Variants in NOS1AP observed in about 807,000 individuals in gnomAD.
NOS1AP encodes the protein carboxyl-terminal PDZ ligand of neuronal nitric oxide synthase protein.
NOS1AP carries 21 observed loss-of-function variants against 56.2 expected under a neutral mutation model. The observed-to-expected ratio is 0.37, with a 90% CI of 0.26 to 0.54. The LOEUF (loss-of-function observed/expected upper bound fraction) is 0.54, where lower values mean the gene tolerates loss of function less well. Among genes scored for constraint, NOS1AP ranks in the 20% least tolerant of loss-of-function variants. NOS1AP has a pLI of 0.84. For missense variants in NOS1AP, 522 were observed against 657.8 expected, an observed-to-expected ratio of 0.79 and a Z score of 2.26; for synonymous variants, 270 against 274.6, an observed-to-expected ratio of 0.98 and a Z score of 0.17.
rs932484535 is a variant in NOS1AP, at chr1:162,320,723, G to A, written c.345-12294G>A. ...AGAAAAATTAGCTGAGCGTGGTGGCGCGCGCCTGTAGTCCCAGCTACTCGG... is the reference window on the plus strand; with the variant it reads ...AGAAAAATTAGCTGAGCGTGGTGGCACGCGCCTGTAGTCCCAGCTACTCGG... On this transcript the variant is annotated intron_variant, in intron 4 of 9. Coordinates refer to ENST00000361897, the MANE Select transcript of NOS1AP (RefSeq NM_014697.3). Among the ~76,000 whole-genome samples, 17 of 152,176 alleles carry A rather than the reference G, an allele frequency of 1.1e-4. 1 individual carries two copies. The highest frequency in any genetic ancestry group is 2.4e-4 in the Non-Finnish European group (16 of 67,986).
At chr1:162,097,226 A>G (rs1396828435) in intron 1 of NOS1AP, among the ~76,000 whole-genome samples, 2 of 151,338 alleles carry the variant, frequency 1.3e-5, no homozygotes, top group Non-Finnish European at 2.9e-5. Flanking sequence ...TTGCCTCTTC[A>G]TATCTCTTGC....
At chr1:162,191,291 T>A (rs1054780803) in intron 2 of NOS1AP, among the ~76,000 whole-genome samples, 17 of 152,200 alleles carry the variant, frequency 1.1e-4, no homozygotes, top group African/African-American at 4.1e-4. Flanking sequence ...AGGATCTTCC[T>A]GCCCTGGCCC....
At chr1:162,324,309 A>G (rs1656511995) in intron 4 of NOS1AP, among the ~76,000 whole-genome samples, 1 of 152,082 alleles carries the variant, frequency 6.6e-6, no homozygotes, top group Admixed American at 6.5e-5. Flanking sequence ...TTGACAGCCA[A>G]TAGCAGGTGA....
intron 2 of NOS1AP, among the ~76,000 whole-genome samples, chr1:162,284,596 T>TA (rs1157090248): frequency 2.4e-5 from 2 of 85,034 alleles, no homozygotes; most frequent in African/African-American, 7.3e-5. Flanking sequence ...GCAGTGACTG[T>TA]GCCCACAGAC....
At chr1:162,144,729 C>G (rs1030622448) in intron 1 of NOS1AP, among the ~76,000 whole-genome samples, 5 of 152,210 alleles carry the variant, frequency 3.3e-5, no homozygotes, top group Non-Finnish European at 7.3e-5. Flanking sequence ...AATCACCAAG[C>G]TGAAGCTTTT....
At chr1:162,170,409 G>A (rs879381972) in intron 2 of NOS1AP, among the ~76,000 whole-genome samples, 2 of 152,226 alleles carry the variant, frequency 1.3e-5, no homozygotes, top group African/African-American at 4.8e-5. Context: ...AAGCAGCAGA[G>A]CTGGGGGTCC....
chr1:162,095,335 G>T (rs1255367805), intron 1 of NOS1AP, among the ~76,000 whole-genome samples: 2 of 152,112 alleles, frequency 1.3e-5, no homozygotes, highest in Non-Finnish European at 2.9e-5. Flanking sequence ...TGCCCTGTGA[G>T]GATATAGCAG....
At position 162,150,226 on chromosome 1, in the gene NOS1AP, CAT is replaced by C. The variant is rs529376838; in HGVS notation, c.106-4178_106-4177del. Among the ~76,000 whole-genome samples, 593 of 152,266 alleles carry C rather than the reference CAT, an allele frequency of 3.9e-3. 1 individual carries two copies. The highest frequency in any genetic ancestry group is 0.014 in the African/African-American group (571 of 41,560). ...TTTAGCTCCCACAAATAAGTGAAAA[CAT>C]GTGAAGTTTGTCTTTCTGTGCCTGG... is the stretch of plus-strand genomic sequence containing the variant. On this transcript the variant is annotated intron_variant, in intron 1 of 9. Transcript: ENST00000361897.
chr1:162,281,022 G>T lies in NOS1AP; in HGVS notation c.178-6322G>T, dbSNP rs145066321. Among the ~76,000 whole-genome samples the T allele has an allele frequency of 1.5e-3, 229 of 152,304 alleles. 1 individual carries two copies. Among genetic ancestry groups the T allele is most frequent in the African/African-American group, 5.1e-3 (214 of 41,562 alleles). ...AAGAGCCAGAAGTTAAGGAAGCTGGGTAGCCCACAGAACAGAAATTCATCT... is the reference window on the plus strand; with the variant it reads ...AAGAGCCAGAAGTTAAGGAAGCTGGTTAGCCCACAGAACAGAAATTCATCT... On this transcript the variant is annotated intron_variant, in intron 2 of 9. Coordinates refer to ENST00000361897, the MANE Select transcript of NOS1AP (RefSeq NM_014697.3).
intron 1 of NOS1AP, among the ~76,000 whole-genome samples, chr1:162,122,444 G>A (rs1194236935): frequency 2.6e-5 from 4 of 151,526 alleles, no homozygotes; most frequent in African/African-American, 9.7e-5. Flanking sequence ...TATATCATAA[G>A]AACTTTTTAT....
intron 2 of NOS1AP, among the ~76,000 whole-genome samples, chr1:162,165,607 T>C (rs1650455787): frequency 6.6e-6 from 1 of 152,110 alleles, no homozygotes; most frequent in African/African-American, 2.4e-5. Context: ...TTGAACGTGG[T>C]ATGGTTGTGG....
chr1:162,244,527 G>T (rs528147035), intron 2 of NOS1AP, among the ~76,000 whole-genome samples: 3 of 152,258 alleles, frequency 2.0e-5, no homozygotes, highest in South Asian at 2.1e-4. Context: ...GAGATTAAGT[G>T]TTTTCCTGAG....
chr1:162,237,519 C>T (rs1414858373), intron 2 of NOS1AP, among the ~76,000 whole-genome samples: 1 of 152,184 alleles, frequency 6.6e-6, no homozygotes, highest in African/African-American at 2.4e-5. Flanking sequence ...CTTTTCAGCT[C>T]AGTGCCTGGT....
chr1:162,161,798 A>G (rs1650235946), intron 2 of NOS1AP, among the ~76,000 whole-genome samples: 1 of 152,146 alleles, frequency 6.6e-6, no homozygotes, highest in South Asian at 2.1e-4. Flanking sequence ...CAGGCTAGTT[A>G]TTCCTTTCTA....
intron 2 of NOS1AP, among the ~76,000 whole-genome samples, chr1:162,238,436 C>T (rs979790590): frequency 1.3e-5 from 2 of 152,094 alleles, no homozygotes; most frequent in Non-Finnish European, 2.9e-5. Flanking sequence ...TGCTAGTCTC[C>T]ATTCCTTCTG....
intron 2 of NOS1AP, among the ~76,000 whole-genome samples, chr1:162,282,716 G>A (rs1277275571): frequency 6.6e-6 from 1 of 152,222 alleles, no homozygotes; most frequent in East Asian, 1.9e-4. Flanking sequence ...AGCACTGTCA[G>A]AGTCCACTTT....
chr1:162,367,551 ATG>A lies in NOS1AP; in HGVS notation c.*87_*88del. 1.4e-6 allele frequency: 2 copies of A among 1,417,240 alleles called. No individual in the cohort carries two copies. The highest frequency in any genetic ancestry group is 1.9e-6 in the Non-Finnish European group (2 of 1,058,598). 87.8% of individuals were successfully genotyped at this position (1,417,240 alleles called of 1,614,324 possible). ...TGCCCGGGTAGGGGATGCCCAGTGA[ATG>A]TGCACTGCCGAGGAGAATGCCAGCC... On this transcript the variant is annotated 3_prime_UTR_variant, in exon 10 of 10. Coordinates refer to ENST00000361897, the MANE Select transcript of NOS1AP (RefSeq NM_014697.3). The surrounding 1 kb of genome is among the most constrained non-coding windows in gnomAD (Gnocchi z 6.5).
rs879788161 is a variant in NOS1AP, at chr1:162,221,538, A to G, written c.178-65806A>G. On this transcript the variant is annotated intron_variant, in intron 2 of 9. Coordinates refer to ENST00000361897, the MANE Select transcript of NOS1AP (RefSeq NM_014697.3). ...CACACACGCACACACACGCGCGCAC[A>G]CACACACACACACACACACACACAC... 0.013 allele frequency among the ~76,000 whole-genome samples: 1,275 copies of G among 99,140 alleles called. 129 individuals carry two copies. In the East Asian group the frequency reaches 0.25, roughly 19 times the overall value. 65.0% of individuals were successfully genotyped at this position (99,140 alleles called of 152,430 possible). A position where few individuals can be genotyped will look rare whatever the true frequency, so the allele number is the denominator to read the frequency against.
chr1:162,104,721 T>G (rs949586239), intron 1 of NOS1AP, among the ~76,000 whole-genome samples: 2 of 152,214 alleles, frequency 1.3e-5, no homozygotes, highest in African/African-American at 4.8e-5. Context: ...CATTGCATTG[T>G]GAAGTTCCTG....
Sources: allele counts gnomAD v4.1 joint callset (sites outside exome capture counted in the v4.1 genomes callset), GRCh38; gene constraint gnomAD v4.1.1; non-coding constraint Gnocchi (gnomAD v3.1); transcripts MANE v1.5; gene names NCBI Gene and HGNC (gene_info 2026-07-23, HGNC 2026-07-21).